The following ANTXR1 variants were observed in gnomAD, a reference collection of about 807,000 sequenced individuals.
The protein encoded by ANTXR1 is ANTXR cell adhesion molecule 1.
Under a neutral mutation model 78.1 loss-of-function variants are expected in ANTXR1, and 19 were observed. The ratio of observed to expected loss-of-function variants is 0.24; its 90% CI spans 0.17 to 0.36. ANTXR1 has a LOEUF of 0.36. Ranked by LOEUF, ANTXR1 falls within the 10% of genes least tolerant of loss-of-function variation. ANTXR1 has a pLI of 1.00. For synonymous variants in ANTXR1, 273 were observed against 260.5 expected (o/e 1.05, Z -0.46); for missense variants, 518 against 718.6 (o/e 0.72, Z 3.19).
At chr2:69,222,081 C>T (rs1573987447) in intron 17 of ANTXR1, among the ~76,000 whole-genome samples, 1 of 152,260 alleles carries the variant, frequency 6.6e-6, no homozygotes. Context: ...TGGCCACTTC[C>T]GCTGACATTA....
At chr2:69,128,211 C>T (rs184936998) in intron 12 of ANTXR1, among the ~76,000 whole-genome samples, 6 of 148,864 alleles carry the variant, frequency 4.0e-5, no homozygotes, top group East Asian at 2.0e-4. Flanking sequence ...AGTGACAGAG[C>T]GAGACTCCAT....
chr2:69,238,782 T>G (rs1480198341), intron 17 of ANTXR1, among the ~76,000 whole-genome samples: 1 of 152,206 alleles, frequency 6.6e-6, no homozygotes, highest in Non-Finnish European at 1.5e-5. Flanking sequence ...ACTTTTACGA[T>G]CTAATTATTT....
At chr2:69,205,587 A>G (rs890940140) in intron 17 of ANTXR1, among the ~76,000 whole-genome samples, 3 of 134,228 alleles carry the variant, frequency 2.2e-5, no homozygotes, top group Non-Finnish European at 3.1e-5. Context: ...GGAATGAACC[A>G]TGGCTTTTTT....
chr2:69,065,342 G>A (rs976439047), intron 3 of ANTXR1, among the ~76,000 whole-genome samples: 2 of 148,180 alleles, frequency 1.3e-5, no homozygotes, highest in African/African-American at 5.1e-5. Flanking sequence ...GGAGAACTAC[G>A]TGAACCTGGG....
At chr2:69,051,978 T>C (rs1176760610) in intron 3 of ANTXR1, among the ~76,000 whole-genome samples, 1 of 152,142 alleles carries the variant, frequency 6.6e-6, no homozygotes, top group African/African-American at 2.4e-5. Flanking sequence ...TGATATTTTG[T>C]GTAATTTTTC....
At chr2:69,108,735 G>A (rs889842524) in intron 10 of ANTXR1, among the ~76,000 whole-genome samples, 1 of 152,154 alleles carries the variant, frequency 6.6e-6, no homozygotes, top group East Asian at 1.9e-4. Context: ...TTCTCTTCCT[G>A]CATTAGTTTG....
At chr2:69,142,931 C>G (rs1475711628) in intron 12 of ANTXR1, among the ~76,000 whole-genome samples, 1 of 152,006 alleles carries the variant, frequency 6.6e-6, no homozygotes, top group Non-Finnish European at 1.5e-5. Flanking sequence ...TTTCATGGAC[C>G]CCCTGAAATG....
intron 17 of ANTXR1, among the ~76,000 whole-genome samples, chr2:69,221,793 G>A (rs1675327883): frequency 6.6e-6 from 1 of 152,084 alleles, no homozygotes; most frequent in Non-Finnish European, 1.5e-5. Context: ...TAATAACAAT[G>A]GCTGTGTGGA....
chr2:69,196,382 A>G (rs994697260), intron 17 of ANTXR1, among the ~76,000 whole-genome samples: 1 of 152,244 alleles, frequency 6.6e-6, no homozygotes, highest in Non-Finnish European at 1.5e-5. Context: ...AGAAATCGAT[A>G]CAGAAAATTG....
intron 10 of ANTXR1, among the ~76,000 whole-genome samples, chr2:69,113,197 C>G (rs772671356): frequency 6.6e-6 from 1 of 152,168 alleles, no homozygotes; most frequent in Non-Finnish European, 1.5e-5. Flanking sequence ...CCCCCTAGTC[C>G]TGCTGTCCTG....
intron 16 of ANTXR1, 78 bp from the exon 17 acceptor site, chr2:69,193,257 G>A (rs187132221): frequency 6.3e-5 from 78 of 1,233,070 alleles, no homozygotes; most frequent in Middle Eastern, 5.7e-4. Context: ...GAAGAAGCAC[G>A]GAAAGTTCTG....
At chr2:69,037,319 C>A (rs769777196) in intron 1 of ANTXR1, among the ~76,000 whole-genome samples, 1 of 152,138 alleles carries the variant, frequency 6.6e-6, no homozygotes, top group Non-Finnish European at 1.5e-5. Context: ...AGGGAAATTT[C>A]TTTAAGACCG....
At chr2:69,151,129 A>G (rs1673380087) in intron 12 of ANTXR1, among the ~76,000 whole-genome samples, 1 of 146,574 alleles carries the variant, frequency 6.8e-6, no homozygotes, top group Non-Finnish European at 1.5e-5. Flanking sequence ...ATTGTTAACC[A>G]TTTATGTTTT....
At chr2:69,111,265 G>C (rs1248367889) in intron 10 of ANTXR1, among the ~76,000 whole-genome samples, 2 of 152,184 alleles carry the variant, frequency 1.3e-5, no homozygotes, top group Admixed American at 1.3e-4. Context: ...TTAGTATTCA[G>C]TGTACTGTGC....
chr2:69,170,372 C>T, intron 14 of ANTXR1, 83 bp downstream of exon 14: 1 of 1,500,402 alleles, frequency 6.7e-7, no homozygotes, highest in Non-Finnish European at 9.3e-7. Flanking sequence ...GGACACTTAG[C>T]CCCCTGCAGA....
intron 1 of ANTXR1, among the ~76,000 whole-genome samples, chr2:69,031,010 A>G (rs1355461051): frequency 6.6e-6 from 1 of 152,192 alleles, no homozygotes; most frequent in Non-Finnish European, 1.5e-5. Context: ...GTACGGCCAC[A>G]TTCATTTTGT....
intron 17 of ANTXR1, among the ~76,000 whole-genome samples, chr2:69,237,071 AT>A: frequency 6.6e-6 from 1 of 152,340 alleles, no homozygotes; most frequent in South Asian, 2.1e-4. Flanking sequence ...CTCAACATTA[AT>A]TCTTGACAGA....
At chr2:69,119,179 T>G (rs574046370) in intron 10 of ANTXR1, among the ~76,000 whole-genome samples, 1 of 152,170 alleles carries the variant, frequency 6.6e-6, no homozygotes. Context: ...AGAGAGGAGT[T>G]GTCCAGAGGC....
At position 69,030,398 on chromosome 2, in the gene ANTXR1, C is replaced by T. The variant is rs143380660; in HGVS notation, c.153-9646C>T. Among the ~76,000 whole-genome samples the T allele has an allele frequency of 5.1e-3, 780 of 152,312 alleles. 8 individuals are homozygous for T. Among genetic ancestry groups the T allele is most frequent in the African/African-American group, 0.017 (710 of 41,568 alleles). ...CCATATCTACCAAAGATAATACCTT[C>T]ATACACAAAACTTCCCACCAACTTC... On this transcript the variant is annotated intron_variant, in intron 1 of 17. Transcript: ENST00000303714.
Sources: gnomAD v4.1 joint callset for allele counts (sites outside exome capture counted in the v4.1 genomes callset) on GRCh38, gnomAD v4.1.1 for gene constraint, MANE v1.5 for transcripts, NCBI Gene and HGNC (gene_info 2026-07-23, HGNC 2026-07-21) for gene names.